The following NTN1 variants were observed in gnomAD, a reference collection of about 807,000 sequenced individuals.
NTN1 encodes the protein netrin-1.
A neutral mutation model predicts 54.2 loss-of-function variants in NTN1; 11 were observed. The ratio of observed to expected loss-of-function variants is 0.20; its 90% CI spans 0.13 to 0.34. The LOEUF (loss-of-function observed/expected upper bound fraction) is 0.34. Among genes scored for constraint, NTN1 ranks in the 10% least tolerant of loss-of-function variants. The pLI is 1.00. For synonymous variants in NTN1, 371 were observed against 382.0 expected (o/e 0.97, Z 0.33); for missense variants, 740 against 893.1 (o/e 0.83, Z 2.18).
intron 2 of NTN1, among the ~76,000 whole-genome samples, chr17:9,101,807 A>G (rs189799939): frequency 2.3e-3 from 355 of 152,232 alleles, no homozygotes; most frequent in African/African-American, 8.1e-3. Flanking sequence ...AGCCTGAGTG[A>G]TAGAGGGAGA....
At chr17:9,192,448 G>A (rs1904487589) in intron 5 of NTN1, among the ~76,000 whole-genome samples, 1 of 152,092 alleles carries the variant, frequency 6.6e-6, no homozygotes, top group Non-Finnish European at 1.5e-5. Flanking sequence ...GGAGCATTTC[G>A]CTTAGTTTCT....
chr17:9,045,362 A>G (rs2091938581), intron 2 of NTN1, among the ~76,000 whole-genome samples: 1 of 152,168 alleles, frequency 6.6e-6, no homozygotes, highest in South Asian at 2.1e-4. Flanking sequence ...GTCATGAAAT[A>G]TGACCCCAAA....
intron 6 of NTN1, among the ~76,000 whole-genome samples, chr17:9,238,658 A>G (rs534586133): frequency 6.6e-6 from 1 of 152,346 alleles, no homozygotes; most frequent in South Asian, 2.1e-4. Context: ...AGGCTCTGAA[A>G]AGTCTTGCAG....
rs576940080 is a variant in NTN1 at position 9,131,948 on chromosome 17, G to A, written c.1019-30865G>A. 3.3e-5 allele frequency among the ~76,000 whole-genome samples: 5 copies of A among 150,424 alleles called. No individual in the cohort carries two copies. The South Asian group carries it at 8.4e-4, about 25-fold the overall frequency. ...CTCCCTAATAGCCGGGACTACAGGC[G>A]CCCGCAACCACGCCCGGCTAATTTT... is the stretch of plus-strand genomic sequence containing the variant. On this transcript the variant is annotated intron_variant, in intron 2 of 6. Transcript: ENST00000173229.
chr17:9,056,954 C>G (rs987731011), intron 2 of NTN1, among the ~76,000 whole-genome samples: 1 of 152,134 alleles, frequency 6.6e-6, no homozygotes, highest in Non-Finnish European at 1.5e-5. Flanking sequence ...GTGTGCCCCC[C>G]GTCTCGTCCC....
Position 9,221,255 on chromosome 17 carries a change from C to G in NTN1, c.1486+13C>G. The G allele has an allele frequency of 6.2e-7, 1 of 1,606,144 alleles. No homozygotes were observed. Among genetic ancestry groups the G allele is most frequent in the Non-Finnish European group, 8.5e-7 (1 of 1,173,884 alleles). ...AAGAAGGACTATGGTGAGTGAGAGTCCCCTTGTCTGGGGAGGATGGGAGGG... is the reference window on the plus strand; with the variant it reads ...AAGAAGGACTATGGTGAGTGAGAGTGCCCTTGTCTGGGGAGGATGGGAGGG... On this transcript the variant is annotated intron_variant, in intron 6 of 6. Coordinates refer to ENST00000173229, the MANE Select transcript of NTN1 (RefSeq NM_004822.3). The surrounding 1 kb of genome is among the most constrained non-coding windows in gnomAD (Gnocchi z 4.5).
chr17:9,099,704 A>G (rs1031937703), intron 2 of NTN1, among the ~76,000 whole-genome samples: 1 of 152,206 alleles, frequency 6.6e-6, no homozygotes, highest in Non-Finnish European at 1.5e-5. Flanking sequence ...CTCCAAAAAG[A>G]TTAAAGCATT....
Position 9,239,766 on chromosome 17 carries a change from G to A in NTN1, c.1613G>A (p.Arg538His), listed in dbSNP as rs771578807. The A allele has an allele frequency of 2.0e-5, 32 of 1,613,672 alleles. No individual in the cohort carries two copies. Among genetic ancestry groups the A allele is most frequent in the African/African-American group, 2.7e-5 (2 of 74,922 alleles). ...CGCGGTGACCAGAGCCTGTGGATCC[G>A]CTCGCGGGACATCGCCTGCAAGTGT... The part of the protein sequence containing the change: ...IRRGDQSLWI[R>H]SRDIACKCPK... The change falls in exon 7 of 7, where the codon CGC becomes CAC. Residue 538 changes from arginine (R) to histidine (H), a missense_variant. Arg to His is a conservative substitution (Grantham distance 29, BLOSUM62 0). Coordinates refer to ENST00000173229, the MANE Select transcript of NTN1 (RefSeq NM_004822.3). This position sits in a 1 kb window ranked among gnomAD's most constrained non-coding sequence, Gnocchi z 5.2.
intron 6 of NTN1, among the ~76,000 whole-genome samples, chr17:9,224,591 G>GCCTC (rs1692050126): frequency 6.6e-6 from 1 of 152,224 alleles, no homozygotes; most frequent in African/African-American, 2.4e-5. Flanking sequence ...GAGTGGCCCA[G>GCCTC]CCTCCCGCCC....
intron 2 of NTN1, among the ~76,000 whole-genome samples, chr17:9,050,751 G>A (rs1399452779): frequency 4.0e-5 from 6 of 150,918 alleles, no homozygotes; most frequent in South Asian, 2.1e-4. Context: ...TCTCAGCCTC[G>A]TTTTCATCTG....
intron 5 of NTN1, among the ~76,000 whole-genome samples, chr17:9,198,212 C>A (rs1904689556): frequency 6.6e-6 from 1 of 152,200 alleles, no homozygotes; most frequent in African/African-American, 2.4e-5. Flanking sequence ...CACAAGGCTG[C>A]AGTGGAAGTC....
intron 2 of NTN1, among the ~76,000 whole-genome samples, chr17:9,084,299 C>G (rs2092083103): frequency 6.6e-6 from 1 of 152,140 alleles, no homozygotes; most frequent in Non-Finnish European, 1.5e-5. Flanking sequence ...GTGGCTTTCA[C>G]TAACATGCTG....
At chr17:9,231,796 G>A (rs1905824861) in intron 6 of NTN1, among the ~76,000 whole-genome samples, 1 of 152,238 alleles carries the variant, frequency 6.6e-6, no homozygotes, top group Non-Finnish European at 1.5e-5. Flanking sequence ...GGGAGCCCCG[G>A]AGGGAGCTGA....
chr17:9,106,845 A>G (rs556304730), intron 2 of NTN1, among the ~76,000 whole-genome samples: 1 of 94,202 alleles, frequency 1.1e-5, no homozygotes, highest in African/African-American at 3.5e-5. Flanking sequence ...CTTTTGTTGT[A>G]TCTTCGCCGT....
chr17:9,101,192 C>CT (rs1244388901), intron 2 of NTN1, among the ~76,000 whole-genome samples: 1 of 152,202 alleles, frequency 6.6e-6, no homozygotes, highest in Non-Finnish European at 1.5e-5. Flanking sequence ...GTCTGCGACC[C>CT]TAAGATTCTC....
In NTN1 at chr17:9,239,796, A is replaced by G. The variant is rs1316054908; in HGVS notation, c.1643A>G (p.Lys548Arg). 6.2e-7 allele frequency: 1 copy of G among 1,613,654 alleles called. No individual in the cohort carries two copies. The highest frequency in any genetic ancestry group is 8.5e-7 in the Non-Finnish European group (1 of 1,180,030). ...CGGGACATCGCCTGCAAGTGTCCCA[A>G]AATCAAGCCCCTCAAGAAGTACCTG... ...RSRDIACKCPKIKPLKKYLLL... is the reference protein window; with the variant it reads ...RSRDIACKCPRIKPLKKYLLL... Residue 548 changes from lysine to arginine, a missense_variant, in exon 7 of 7, where the codon AAA becomes AGA. Transcript: ENST00000173229. The surrounding 1 kb of genome is among the most constrained non-coding windows in gnomAD (Gnocchi z 5.2).
intron 2 of NTN1, among the ~76,000 whole-genome samples, chr17:9,080,134 C>T (rs1442224138): frequency 6.6e-6 from 1 of 152,264 alleles, no homozygotes; most frequent in East Asian, 1.9e-4. Flanking sequence ...TGTTTCCAGG[C>T]TCCTTGCAGT....
intron 2 of NTN1, among the ~76,000 whole-genome samples, chr17:9,151,683 T>G (rs1189675451): frequency 1.3e-5 from 2 of 152,158 alleles, no homozygotes; most frequent in Non-Finnish European, 2.9e-5. Context: ...GTGTATGGGC[T>G]CCTCTCTGGG....
intron 2 of NTN1, among the ~76,000 whole-genome samples, chr17:9,118,916 G>C (rs1480173011): frequency 1.3e-5 from 2 of 152,176 alleles, no homozygotes; most frequent in Non-Finnish European, 2.9e-5. Flanking sequence ...GGACATTTTA[G>C]TTGTTTCCAT....
Sources: gnomAD v4.1 joint callset for allele counts (sites outside exome capture counted in the v4.1 genomes callset) on GRCh38, gnomAD v4.1.1 for gene constraint, Gnocchi (gnomAD v3.1) non-coding constraint, MANE v1.5 for transcripts, NCBI Gene and HGNC (gene_info 2026-07-23, HGNC 2026-07-21) for gene names.